ATP2B2: variants seen among roughly 807,000 people sequenced by gnomAD.
ATP2B2 encodes the protein plasma membrane calcium-transporting ATPase 2.
In ATP2B2, 15 loss-of-function variants were observed where a neutral mutation model predicts 120.0. The ratio of observed to expected loss-of-function variants is 0.12; its 90% CI spans 0.08 to 0.19. The LOEUF (loss-of-function observed/expected upper bound fraction) is 0.19. Among genes scored for constraint, ATP2B2 ranks in the 10% least tolerant of loss-of-function variants. ATP2B2 has a pLI of 1.00. For missense variants in ATP2B2, 1,045 were observed against 1,719.8 expected (o/e 0.61, Z 6.94); for synonymous variants, 694 against 700.3 (o/e 0.99, Z 0.14).
At chr3:10,468,267 G>T in intron 1 of ATP2B2, among the ~76,000 whole-genome samples, 1 of 152,378 alleles carries the variant, frequency 6.6e-6, no homozygotes. Context: ...TGACAGGTGC[G>T]AGGCCAGGGC....
intron 2 of ATP2B2, among the ~76,000 whole-genome samples, chr3:10,534,785 G>A (rs1282352052): frequency 4.6e-5 from 7 of 152,048 alleles, no homozygotes; most frequent in Admixed American, 1.3e-4. Flanking sequence ...CATAAGTGCC[G>A]TGGGTCTTAG....
chr3:10,354,156 C>T (rs543859151), intron 14 of ATP2B2, among the ~76,000 whole-genome samples: 5 of 152,268 alleles, frequency 3.3e-5, no homozygotes, highest in African/African-American at 9.6e-5. Context: ...TGAAGCCATT[C>T]CTGATTCCTG....
intron 14 of ATP2B2, among the ~76,000 whole-genome samples, chr3:10,358,360 T>C (rs968437723): frequency 2.6e-5 from 4 of 152,192 alleles, no homozygotes; most frequent in African/African-American, 9.7e-5. Flanking sequence ...AAGAGGTTTC[T>C]AAGGCAGGGC....
Position 10,360,130 on chromosome 3 carries a change from A to C in ATP2B2, c.1660-7T>G, listed in dbSNP as rs1279985769. 28 of 1,584,832 alleles carry C rather than the reference A, an allele frequency of 1.8e-5. No individual in the cohort carries two copies. The highest frequency in any genetic ancestry group is 2.3e-5 in the Non-Finnish European group (27 of 1,163,032). ...CGCCCTCCTTCTCTGGGGGCTGCAG[A>C]GAGAGGAAGGAGCGGCTGGCACCTG... On this transcript the variant is annotated splice_polypyrimidine_tract_variant and splice_region_variant and intron_variant, in intron 12 of 22. Transcript: ENST00000360273.
At chr3:10,612,771 C>T (rs1182881154) in intron 2 of ATP2B2, among the ~76,000 whole-genome samples, 1 of 152,212 alleles carries the variant, frequency 6.6e-6, no homozygotes, top group Non-Finnish European at 1.5e-5. Context: ...ATTGCCCCCT[C>T]TCTGGTCTTC....
At chr3:10,554,178 T>C (rs1248681439) in intron 2 of ATP2B2, among the ~76,000 whole-genome samples, 1 of 152,022 alleles carries the variant, frequency 6.6e-6, no homozygotes. Flanking sequence ...TGAACACTCA[T>C]CCTCTCACTT....
chr3:10,561,986 A>G lies in ATP2B2; in HGVS notation c.-414-27853T>C, dbSNP rs1313968111. Reference sequence around the variant, plus strand: ...TCTTGCCTCTCCAAGGGGCTGAAGAAGACCACCCAGCATCTCATGCAAAAG... The same window carrying G: ...TCTTGCCTCTCCAAGGGGCTGAAGAGGACCACCCAGCATCTCATGCAAAAG... On this transcript the variant is annotated intron_variant, in intron 2 of 21. Coordinates refer to the ATP2B2 transcript ENST00000646379. Among the ~76,000 whole-genome samples the G allele has an allele frequency of 2.0e-5, 3 of 152,364 alleles. No homozygotes were observed. In the East Asian group the frequency reaches 5.8e-4, roughly 29 times the overall value.
At chr3:10,610,619 C>CA (rs1257246175) in intron 2 of ATP2B2, among the ~76,000 whole-genome samples, 1 of 152,172 alleles carries the variant, frequency 6.6e-6, no homozygotes, top group Non-Finnish European at 1.5e-5. Context: ...TGGCCCTGTT[C>CA]AATCTTCAAG....
At chr3:10,556,132 T>C (rs2067773420) in intron 2 of ATP2B2, among the ~76,000 whole-genome samples, 1 of 152,202 alleles carries the variant, frequency 6.6e-6, no homozygotes, top group African/African-American at 2.4e-5. Context: ...ACTCCGGACC[T>C]GAAGTGATCT....
At chr3:10,358,543 C>T (rs1437141471) in intron 14 of ATP2B2, 148 bp downstream of exon 14, 10 of 848,480 alleles carry the variant, frequency 1.2e-5, no homozygotes, top group African/African-American at 1.7e-5. Flanking sequence ...ATGGGCAATC[C>T]TCTTATGAGG....
chr3:10,352,862 T>G (rs1289476982), intron 14 of ATP2B2, among the ~76,000 whole-genome samples: 1 of 152,182 alleles, frequency 6.6e-6, no homozygotes, highest in African/African-American at 2.4e-5. Context: ...CTTATCTGGC[T>G]CCTGCCTCCA....
intron 1 of ATP2B2, among the ~76,000 whole-genome samples, chr3:10,641,084 C>T (rs1489950678): frequency 6.6e-6 from 1 of 152,216 alleles, no homozygotes; most frequent in Non-Finnish European, 1.5e-5. Flanking sequence ...GGGAAACTAA[C>T]AACCTTGGGA....
Position 10,350,152 on chromosome 3 carries a change from C to T in ATP2B2, c.2364G>A (p.Leu788=), listed in dbSNP as rs1559544368. Residue 788 remains leucine, a synonymous_variant, in exon 16 of 23, where the codon CTG becomes CTA. Coordinates refer to ENST00000360273, the MANE Select transcript of ATP2B2 (RefSeq NM_001001331.4). ...IDKIWPKLRV[L]ARSSPTDKHT... ...GCTTGTCCGTTGGGGAGGAGCGAGCCAGCACCCGCAGCTTTGGCCAGATCT... is the reference window on the plus strand; with the variant it reads ...GCTTGTCCGTTGGGGAGGAGCGAGCTAGCACCCGCAGCTTTGGCCAGATCT... 6.2e-7 allele frequency: 1 copy of T among 1,612,828 alleles called. No individual in the cohort carries two copies. Among genetic ancestry groups the T allele is most frequent in the Non-Finnish European group, 8.5e-7 (1 of 1,179,890 alleles).
intron 1 of ATP2B2, among the ~76,000 whole-genome samples, chr3:10,670,221 T>C (rs2071059905): frequency 6.6e-6 from 1 of 152,230 alleles, no homozygotes; most frequent in Admixed American, 6.5e-5. Flanking sequence ...TAGCCTTCGC[T>C]GGAGGATGCT....
intron 3 of ATP2B2, among the ~76,000 whole-genome samples, chr3:10,403,033 A>G (rs2062278925): frequency 6.6e-6 from 1 of 152,070 alleles, no homozygotes; most frequent in Non-Finnish European, 1.5e-5. Flanking sequence ...GTCTCATTAC[A>G]TTGCCCAGGC....
At chr3:10,477,849 G>T (rs2065260911) in intron 1 of ATP2B2, among the ~76,000 whole-genome samples, 1 of 152,222 alleles carries the variant, frequency 6.6e-6, no homozygotes, top group South Asian at 2.1e-4. Flanking sequence ...GCTGTTATGA[G>T]CATGGGTGAA....
Position 10,652,549 on chromosome 3 carries a change from G to A in ATP2B2, c.-459-32588C>T, listed in dbSNP as rs943798879. ...TGTAGAGAGACAGAACCAGCATGACGATTCCTTGAAAACTTAAACTTAGAA... is the reference window on the plus strand; with the variant it reads ...TGTAGAGAGACAGAACCAGCATGACAATTCCTTGAAAACTTAAACTTAGAA... On this transcript the variant is annotated intron_variant, in intron 1 of 21. Coordinates refer to the ATP2B2 transcript ENST00000646379. 5.3e-5 allele frequency among the ~76,000 whole-genome samples: 8 copies of A among 152,142 alleles called. No individual in the cohort carries two copies. In the South Asian group the frequency reaches 6.2e-4, roughly 12 times the overall value.
chr3:10,338,441 C>T lies in ATP2B2; in HGVS notation c.3238-83G>A, dbSNP rs180905799. 3.3e-5 allele frequency: 48 copies of T among 1,447,440 alleles called. No homozygotes were observed. The African/African-American group carries it at 6.0e-4, about 18-fold the overall frequency. 89.7% of individuals were successfully genotyped at this position (1,447,440 alleles called of 1,614,324 possible). ...CCCTGACACCCGCTCCTCTACCTCC[C>T]TCCTCCTACCCGCTCACCCAGGCAT... On this transcript the variant is annotated intron_variant, in intron 21 of 22. Transcript: ENST00000360273.
intron 1 of ATP2B2, among the ~76,000 whole-genome samples, chr3:10,668,478 G>C (rs990739662): frequency 3.9e-5 from 6 of 152,194 alleles, no homozygotes; most frequent in Non-Finnish European, 8.8e-5. Context: ...TTATCCACCA[G>C]GTCACTTTAA....
Sources: gnomAD v4.1 joint callset for allele counts (sites outside exome capture counted in the v4.1 genomes callset) on GRCh38, gnomAD v4.1.1 for gene constraint, MANE v1.5 for transcripts, NCBI Gene and HGNC (gene_info 2026-07-23, HGNC 2026-07-21) for gene names.